The following FAM156A variants were observed in gnomAD, a reference collection of about 807,000 sequenced individuals.
FAM156A encodes the protein protein FAM156A/FAM156B.
chrX:52,982,844 C>T (rs1459448584), intron 1 of FAM156A, among the ~76,000 whole-genome samples: 5 of 113,153 alleles, frequency 4.4e-5, no homozygotes, highest in Non-Finnish European at 7.5e-5. Flanking sequence ...ATTTATTTCA[C>T]GAGCAGGCTG....
chrX:52,987,866 G>A (rs1242512620), intron 1 of FAM156A, among the ~76,000 whole-genome samples: 1 of 111,140 alleles, frequency 9.0e-6, no homozygotes. Context: ...TCCTTCAATG[G>A]GTGCATGGAT....
At chrX:52,978,796 G>T (rs1556792823) in intron 1 of FAM156A, among the ~76,000 whole-genome samples, 1 of 111,904 alleles carries the variant, frequency 8.9e-6, no homozygotes, top group East Asian at 2.8e-4. Flanking sequence ...GAAGGTCTTG[G>T]GTTTGTACAT....
At chrX:52,981,825 T>C (rs782383039) in intron 1 of FAM156A, among the ~76,000 whole-genome samples, 122 of 101,506 alleles carry the variant, frequency 1.2e-3, no homozygotes, top group Non-Finnish European at 1.8e-3. Flanking sequence ...AATGAGGAGC[T>C]TTTTTTTTTT....
At chrX:52,990,801 G>GAAAAGAA (rs1213304562) in intron 1 of FAM156A, among the ~76,000 whole-genome samples, 961 of 82,071 alleles carry the variant, frequency 0.012, 9 homozygotes, top group Middle Eastern at 0.022. Flanking sequence ...AGAAAAGAAA[G>GAAAAGAA]AAAAGAAAAG....
At chrX:52,977,105 C>CACATAT (rs1351857746) in intron 1 of FAM156A, among the ~76,000 whole-genome samples, 10 of 97,630 alleles carry the variant, frequency 1.0e-4, no homozygotes, top group African/African-American at 3.0e-4. Context: ...CACACACACA[C>CACATAT]ATATATATAT....
intron 1 of FAM156A, among the ~76,000 whole-genome samples, chrX:52,990,950 AG>A (rs781910101): frequency 2.2e-4 from 25 of 111,574 alleles, no homozygotes; most frequent in African/African-American, 7.8e-4. Flanking sequence ...ATGAGAATAC[AG>A]AAGGCCCTCA....
intron 1 of FAM156A, among the ~76,000 whole-genome samples, chrX:52,982,906 C>A (rs1930008405): frequency 8.9e-6 from 1 of 112,939 alleles, no homozygotes; most frequent in East Asian, 2.8e-4. Flanking sequence ...GGTCAAAGTG[C>A]CTTACCAAGG....
chrX:52,986,740 C>A (rs781991629), intron 1 of FAM156A, among the ~76,000 whole-genome samples: 3 of 111,461 alleles, frequency 2.7e-5, no homozygotes, highest in Non-Finnish European at 5.6e-5. Context: ...AAATCCTACA[C>A]CTTATATTAT....
intron 1 of FAM156A, among the ~76,000 whole-genome samples, chrX:52,986,575 C>T (rs1290006335): frequency 2.7e-5 from 3 of 109,325 alleles, no homozygotes; most frequent in African/African-American, 6.7e-5. Flanking sequence ...ATTAATATAC[C>T]GAAAAAAAAC....
At chrX:52,978,830 C>G (rs1225569571) in intron 1 of FAM156A, among the ~76,000 whole-genome samples, 1 of 111,840 alleles carries the variant, frequency 8.9e-6, no homozygotes, top group Non-Finnish European at 1.9e-5. Context: ...AAACCTATCC[C>G]TTCCATACCT....
chrX:52,977,771 A>G (rs1293228458), intron 1 of FAM156A, among the ~76,000 whole-genome samples: 1 of 111,779 alleles, frequency 8.9e-6, no homozygotes, highest in African/African-American at 3.3e-5. Context: ...AATCAACACA[A>G]GATACAACAG....
intron 1 of FAM156A, among the ~76,000 whole-genome samples, chrX:52,974,178 G>A (rs1929265971): frequency 8.9e-6 from 1 of 111,836 alleles, no homozygotes; most frequent in South Asian, 3.7e-4. Flanking sequence ...ACAATGTATT[G>A]TGGGGCTCTG....
At chrX:52,976,211 T>A (rs1318758853) in intron 1 of FAM156A, among the ~76,000 whole-genome samples, 1 of 111,946 alleles carries the variant, frequency 8.9e-6, no homozygotes, top group Non-Finnish European at 1.9e-5. Flanking sequence ...TTTGGGAGGC[T>A]GAGTCGGGCG....
At chrX:52,986,248 TA>T (rs1930277186) in intron 1 of FAM156A, among the ~76,000 whole-genome samples, 1 of 102,575 alleles carries the variant, frequency 9.7e-6, no homozygotes, top group African/African-American at 3.6e-5. Context: ...AAAAATAAAA[TA>T]AAAAAATAAA....
chrX:52,978,368 G>T (rs782441030), intron 1 of FAM156A, among the ~76,000 whole-genome samples: 1 of 112,020 alleles, frequency 8.9e-6, no homozygotes, highest in East Asian at 2.8e-4. Flanking sequence ...CTGACCATAT[G>T]CCAGGGACTG....
At chrX:52,982,822 T>C (rs1039105617) in intron 1 of FAM156A, among the ~76,000 whole-genome samples, 2 of 113,108 alleles carry the variant, frequency 1.8e-5, no homozygotes, top group African/African-American at 6.4e-5. Context: ...TCTTATCCCT[T>C]TTGTCTCTAT....
intron 1 of FAM156A, among the ~76,000 whole-genome samples, chrX:52,993,408 CTTTTTTTTTTT>C (rs147840894): frequency 1.4e-4 from 6 of 42,577 alleles, no homozygotes; most frequent in African/African-American, 2.6e-4. Context: ...TCTTAACTTT[CTTTTTTTTTTT>C]TTTTTTTTTT....
chrX:52,975,419 G>C (rs1303048399), intron 1 of FAM156A, among the ~76,000 whole-genome samples: 1 of 111,739 alleles, frequency 8.9e-6, no homozygotes, highest in African/African-American at 3.3e-5. Flanking sequence ...AACGGAGCAC[G>C]CCATTGTCTT....
At chrX:52,989,241 C>G (rs5951168) in intron 1 of FAM156A, among the ~76,000 whole-genome samples, 18,770 of 110,236 alleles carry the variant, frequency 0.17, 1,240 homozygotes, top group Middle Eastern at 0.24. Flanking sequence ...GTGGCCACCC[C>G]AGAACACTAT....
Sources: allele counts gnomAD v4.1 joint callset (sites outside exome capture counted in the v4.1 genomes callset), GRCh38; gene constraint gnomAD v4.1.1; transcripts MANE v1.5; gene names NCBI Gene and HGNC (gene_info 2026-07-23, HGNC 2026-07-21).